Variants in ZDHHC7 observed in about 807,000 individuals in gnomAD.
ZDHHC7 encodes the protein palmitoyltransferase ZDHHC7.
A neutral mutation model predicts 34.1 loss-of-function variants in ZDHHC7; 12 were observed. The ratio of observed to expected loss-of-function variants is 0.35; its 90% CI spans 0.23 to 0.57. The LOEUF (loss-of-function observed/expected upper bound fraction) is 0.57. Among genes scored for constraint, ZDHHC7 ranks in the 20% least tolerant of loss-of-function variants. ZDHHC7 has a pLI of 0.84. For missense variants in ZDHHC7, 388 were observed against 402.7 expected (o/e 0.96, Z 0.31); for synonymous variants, 185 against 155.4 (o/e 1.19, Z -1.42).
intron 3 of ZDHHC7, among the ~76,000 whole-genome samples, chr16:84,987,069 C>G (rs1201601636): frequency 6.6e-6 from 1 of 152,222 alleles, no homozygotes; most frequent in African/African-American, 2.4e-5. Flanking sequence ...AGCCAGGACT[C>G]AGAGAGACAG....
In ZDHHC7 at chr16:84,974,703, C is replaced by A. The variant is rs1248802327; in HGVS notation, c.*1640G>T. ...GCAGAACAATCTCGGAAACTGGCGTCTCCAGGATCACCCACACTTTGTCCC... is the reference window on the plus strand; with the variant it reads ...GCAGAACAATCTCGGAAACTGGCGTATCCAGGATCACCCACACTTTGTCCC... On this transcript the variant is annotated 3_prime_UTR_variant, in exon 8 of 8. Coordinates refer to ENST00000313732, the MANE Select transcript of ZDHHC7 (RefSeq NM_017740.3). 6.5e-6 allele frequency: 1 copy of A among 152,710 alleles called. No individual in the cohort carries two copies. Among genetic ancestry groups the A allele is most frequent in the Non-Finnish European group, 1.5e-5 (1 of 68,062 alleles). 9.5% of individuals were successfully genotyped at this position (152,710 alleles called of 1,614,324 possible).
chr16:84,988,200 C>G (rs2072462052), intron 3 of ZDHHC7, among the ~76,000 whole-genome samples: 1 of 152,164 alleles, frequency 6.6e-6, no homozygotes. Flanking sequence ...CATGCAAATT[C>G]CACAGAGACA....
chr16:84,984,624 CAAGTACACA>C (rs1407116424), intron 3 of ZDHHC7, among the ~76,000 whole-genome samples: 2 of 152,102 alleles, frequency 1.3e-5, no homozygotes, highest in Non-Finnish European at 2.9e-5. Flanking sequence ...AAGGGGAAGC[CAAGTACACA>C]TTGGGTGATC....
At chr16:84,993,592 C>T (rs9939913) in intron 2 of ZDHHC7, among the ~76,000 whole-genome samples, 5,826 of 151,440 alleles carry the variant, frequency 0.038, 320 homozygotes, top group African/African-American at 0.12. Context: ...CAGTGAGCCA[C>T]AATCCCACCA....
At chr16:84,988,861 C>T (rs2072472022) in intron 3 of ZDHHC7, 2 of 1,551,704 alleles carry the variant, frequency 1.3e-6, no homozygotes, top group Non-Finnish European at 1.7e-6. Context: ...GGTCGGCAGT[C>T]ACTGGATTTT....
At chr16:84,979,316 C>T (rs1249829157) in intron 4 of ZDHHC7, 31 bp from the exon 5 acceptor site, 2 of 1,601,546 alleles carry the variant, frequency 1.2e-6, no homozygotes, top group Non-Finnish European at 1.7e-6. Context: ...TTTCAGTATT[C>T]CATGCTCTGA....
At chr16:85,006,246 C>G (rs2072715544) in intron 1 of ZDHHC7, among the ~76,000 whole-genome samples, 1 of 152,040 alleles carries the variant, frequency 6.6e-6, no homozygotes, top group African/African-American at 2.4e-5. Context: ...GTAGTCCCAG[C>G]TACTCGAGAG....
chr16:85,000,976 C>A (rs1246801417), intron 1 of ZDHHC7, among the ~76,000 whole-genome samples: 1 of 152,136 alleles, frequency 6.6e-6, no homozygotes. Context: ...CCCAGCAGAC[C>A]AGAAAGACAT....
intron 2 of ZDHHC7, among the ~76,000 whole-genome samples, chr16:84,993,286 G>A (rs1045661233): frequency 2.6e-5 from 4 of 151,758 alleles, no homozygotes; most frequent in African/African-American, 7.3e-5. Context: ...ATGCCACCGC[G>A]CTCCAGCCTG....
At position 84,981,981 on chromosome 16, in the gene ZDHHC7, T is replaced by C; in HGVS notation, c.329A>G (p.Lys110Arg). 1.2e-6 allele frequency: 2 copies of C among 1,614,116 alleles called. No individual in the cohort carries two copies. Among genetic ancestry groups the C allele is most frequent in the Non-Finnish European group, 1.7e-6 (2 of 1,180,016 alleles). ...TMLTDPGAVP[K>R]GNATKEYMES... Reference sequence around the variant, plus strand: ...CATGTATTCTTTCGTAGCGTTTCCTTTGGGTACTGCCCCCTACCATATAAG... The same window carrying C: ...CATGTATTCTTTCGTAGCGTTTCCTCTGGGTACTGCCCCCTACCATATAAG... Residue 110 changes from lysine (K) to arginine (R), a missense_variant, in exon 4 of 8, where the codon AAA (lysine) becomes AGA (arginine). By Grantham distance (26) the Lys-to-Arg change is conservative (BLOSUM62 2). Coordinates refer to ENST00000313732, the MANE Select transcript of ZDHHC7 (RefSeq NM_017740.3).
rs760102499 is a variant in ZDHHC7 at position 84,981,950 on chromosome 16, G to A, written c.360C>T (p.Ser120=). ...TGACTTCCCCGGGCTTCAGCTGCAA[G>A]CTCTCCATGTATTCTTTCGTAGCGT... ...KGNATKEYME[S]LQLKPGEVIY... Residue 120 remains serine, a synonymous_variant, in exon 4 of 8, where the codon AGC becomes AGT. Transcript: ENST00000313732. The A allele has an allele frequency of 6.2e-7, 1 of 1,614,204 alleles. No individual in the cohort carries two copies. Among genetic ancestry groups the A allele is most frequent in the Non-Finnish European group, 8.5e-7 (1 of 1,180,040 alleles).
intron 1 of ZDHHC7, among the ~76,000 whole-genome samples, chr16:85,003,439 A>C (rs1444775045): frequency 6.6e-6 from 1 of 152,242 alleles, no homozygotes; most frequent in Non-Finnish European, 1.5e-5. Flanking sequence ...GACCCACTGC[A>C]GTGAGCTGAT....
chr16:84,987,992 A>AC (rs2072459353), intron 3 of ZDHHC7, among the ~76,000 whole-genome samples: 1 of 152,038 alleles, frequency 6.6e-6, no homozygotes, highest in Non-Finnish European at 1.5e-5. Flanking sequence ...ACACGGTGAA[A>AC]CCCCGTCTCT....
chr16:84,980,565 G>A (rs1196992075), intron 4 of ZDHHC7, among the ~76,000 whole-genome samples: 3 of 151,994 alleles, frequency 2.0e-5, no homozygotes, highest in Non-Finnish European at 4.4e-5. Flanking sequence ...AGCTACTAGG[G>A]AGGCTGAGGC....
chr16:85,014,656 C>G (rs2072826964), upstream of ZDHHC7, among the ~76,000 whole-genome samples: 2 of 152,112 alleles, frequency 1.3e-5, no homozygotes, highest in South Asian at 4.1e-4. Flanking sequence ...TTAACTTACC[C>G]CTTGACAAAT....
At position 84,979,944 on chromosome 16, in the gene ZDHHC7, G is replaced by A. The variant is rs1211196658; in HGVS notation, c.441-659C>T. ...CTGCAGGCAGACTTGCTATCATAGC[G>A]TCACCTTTTTTTTTTTTTTTTTTTT... On this transcript the variant is annotated intron_variant, in intron 4 of 7. Transcript: ENST00000313732. 4.2e-5 allele frequency among the ~76,000 whole-genome samples: 6 copies of A among 142,178 alleles called. 1 individual carries two copies. The East Asian group carries it at 8.2e-4, about 19-fold the overall frequency. The allele number at this position is 142,178 out of a possible 152,430, so 93.3% of individuals were successfully genotyped here.
intron 1 of ZDHHC7, among the ~76,000 whole-genome samples, chr16:85,002,592 G>C (rs915760741): frequency 3.3e-5 from 5 of 152,156 alleles, no homozygotes; most frequent in African/African-American, 9.7e-5. Flanking sequence ...AGCCAAGAGG[G>C]GCTGACGAGA....
chr16:84,992,546 T>C (rs938631367), intron 2 of ZDHHC7, among the ~76,000 whole-genome samples: 5 of 152,306 alleles, frequency 3.3e-5, no homozygotes, highest in Admixed American at 3.3e-4. Flanking sequence ...GCCCTTCTCT[T>C]ATCGGTGTTT....
intron 1 of ZDHHC7, among the ~76,000 whole-genome samples, chr16:85,008,822 GAT>G (rs2072751792): frequency 6.6e-6 from 1 of 151,616 alleles, no homozygotes; most frequent in African/African-American, 2.4e-5. Context: ...GAGGCAGGCG[GAT>G]CACCAGAGGT....
Sources: allele counts gnomAD v4.1 joint callset (sites outside exome capture counted in the v4.1 genomes callset), GRCh38; gene constraint gnomAD v4.1.1; transcripts MANE v1.5; gene names NCBI Gene and HGNC (gene_info 2026-07-23, HGNC 2026-07-21).